Variants in STK24 observed in about 807,000 individuals in gnomAD.
STK24 encodes serine/threonine-protein kinase 24.
Under a neutral mutation model 55.6 loss-of-function variants are expected in STK24, and 21 were observed. The observed-to-expected ratio is 0.38, with a 90% confidence interval of 0.27 to 0.54. STK24 has a LOEUF of 0.54. Among genes scored for constraint, STK24 ranks in the 20% least tolerant of loss-of-function variants. STK24 has a pLI of 0.79. For synonymous variants in STK24, 200 were observed against 215.2 expected (o/e 0.93, Z 0.62); for missense variants, 383 against 538.4 (o/e 0.71, Z 2.86).
At chr13:98,574,527 G>GC (rs1897828337) in intron 1 of STK24, among the ~76,000 whole-genome samples, 2 of 152,048 alleles carry the variant, frequency 1.3e-5, no homozygotes, top group South Asian at 4.1e-4. Context: ...ATGTGCTGTT[G>GC]TTTTTCTTTT....
intron 1 of STK24, among the ~76,000 whole-genome samples, chr13:98,559,001 C>CT (rs1897345595): frequency 1.9e-5 from 1 of 51,284 alleles, no homozygotes; most frequent in Non-Finnish European, 3.5e-5. Flanking sequence ...CCTGTCTCTA[C>CT]TAAAAAAAAA....
At chr13:98,458,322 G>A (rs563904803) in intron 9 of STK24, among the ~76,000 whole-genome samples, 3 of 152,316 alleles carry the variant, frequency 2.0e-5, no homozygotes, top group South Asian at 4.1e-4. Context: ...CTTTGTGATG[G>A]ACACCGCCTC....
chr13:98,490,752 C>T (rs1465565843), intron 2 of STK24, among the ~76,000 whole-genome samples: 6 of 151,616 alleles, frequency 4.0e-5, no homozygotes, highest in Admixed American at 2.6e-4. Flanking sequence ...CCCTTGTGTT[C>T]GCAAACAAAA....
chr13:98,494,270 C>T (rs1222310580), intron 2 of STK24, among the ~76,000 whole-genome samples: 8 of 149,148 alleles, frequency 5.4e-5, no homozygotes, highest in African/African-American at 7.3e-5. Context: ...ATTAGCCGGG[C>T]GTAGTGGCGG....
chr13:98,546,690 C>T (rs971537648), intron 1 of STK24, among the ~76,000 whole-genome samples: 27 of 152,258 alleles, frequency 1.8e-4, no homozygotes, highest in Admixed American at 2.6e-4. Flanking sequence ...GCCCCTATCA[C>T]GGAAAGTCAA....
At chr13:98,575,273 G>A (rs889751161) in intron 1 of STK24, among the ~76,000 whole-genome samples, 21 of 152,078 alleles carry the variant, frequency 1.4e-4, no homozygotes, top group Non-Finnish European at 2.8e-4. Flanking sequence ...CTCCTTAAAT[G>A]AGAGTCGACA....
chr13:98,478,015 G>A (rs1055580044), intron 3 of STK24, among the ~76,000 whole-genome samples: 12 of 152,104 alleles, frequency 7.9e-5, no homozygotes, highest in African/African-American at 2.7e-4. Context: ...AGGAAGGGGA[G>A]AAAAAGAGAT....
Position 98,452,332 on chromosome 13 carries a change from G to A in STK24, c.*841C>T, listed in dbSNP as rs1191142917. On this transcript the variant is annotated 3_prime_UTR_variant, in exon 11 of 11. Transcript: ENST00000539966. ...CAAATGTCAGACGAGAGCGCTTCAT[G>A]GGGAGAAACTGAAAATTATAATTTA... 6.6e-6 allele frequency: 1 copy of A among 152,524 alleles called. No individual in the cohort carries two copies. The highest frequency in any genetic ancestry group is 1.5e-5 in the Non-Finnish European group (1 of 68,012). 9.4% of individuals were successfully genotyped at this position (152,524 alleles called of 1,614,324 possible). A position where few individuals can be genotyped will look rare whatever the true frequency, so the allele number is the denominator to read the frequency against.
intron 2 of STK24, among the ~76,000 whole-genome samples, chr13:98,513,922 C>T (rs1895969393): frequency 6.6e-6 from 1 of 152,178 alleles, no homozygotes; most frequent in Admixed American, 6.5e-5. Flanking sequence ...CCTAAGTATG[C>T]CTGAAGCCAA....
At chr13:98,562,293 G>T (rs781756971) in intron 1 of STK24, among the ~76,000 whole-genome samples, 2 of 152,052 alleles carry the variant, frequency 1.3e-5, no homozygotes, top group Non-Finnish European at 2.9e-5. Flanking sequence ...CTGGGTGAAG[G>T]TTCCCATTTC....
intron 1 of STK24, among the ~76,000 whole-genome samples, chr13:98,549,638 G>A (rs1055208824): frequency 2.0e-5 from 3 of 152,026 alleles, no homozygotes; most frequent in Non-Finnish European, 2.9e-5. Flanking sequence ...CTTCACCTTC[G>A]GCCATGAGTC....
chr13:98,541,116 A>C (rs1423024008), intron 1 of STK24, among the ~76,000 whole-genome samples: 1 of 152,238 alleles, frequency 6.6e-6, no homozygotes, highest in Non-Finnish European at 1.5e-5. Flanking sequence ...TTATAGACTA[A>C]GAGAAGTTGC....
chr13:98,491,634 C>T (rs1190925017), intron 2 of STK24, among the ~76,000 whole-genome samples: 1 of 151,292 alleles, frequency 6.6e-6, no homozygotes, highest in Non-Finnish European at 1.5e-5. Context: ...GCTATACAAT[C>T]CAGCCAAAGA....
At chr13:98,527,307 C>CA (rs1566387274) in intron 1 of STK24, among the ~76,000 whole-genome samples, 1 of 151,700 alleles carries the variant, frequency 6.6e-6, no homozygotes, top group Non-Finnish European at 1.5e-5. Context: ...TCAGCTATAC[C>CA]AAAAAAAAGT....
At position 98,452,173 on chromosome 13, in the gene STK24, AATTT is replaced by A. The variant is rs1457420944; in HGVS notation, c.*996_*999del. ...AGTATGCAAAATAAGCGTGTTATAA[AATTT>A]ATTTGTGTAAGCATTCAGACATTTT... On this transcript the variant is annotated 3_prime_UTR_variant, in exon 11 of 11. Transcript: ENST00000539966. The A allele has an allele frequency of 4.6e-5, 7 of 152,196 alleles. No individual in the cohort carries two copies. Among genetic ancestry groups the A allele is most frequent in the South Asian group, 2.1e-4 (1 of 4,828 alleles). The allele number at this position is 152,196 out of a possible 1,614,324, so 9.4% of individuals were successfully genotyped here.
chr13:98,474,787 G>C (rs371543197), intron 5 of STK24, 34 bp downstream of exon 5: 1 of 1,569,918 alleles, frequency 6.4e-7, no homozygotes, highest in East Asian at 2.3e-5. Context: ...TCCAGGCCTC[G>C]TGAGGCACGG....
At chr13:98,503,566 G>A (rs945012437) in intron 2 of STK24, among the ~76,000 whole-genome samples, 6 of 152,194 alleles carry the variant, frequency 3.9e-5, no homozygotes, top group South Asian at 2.1e-4. Flanking sequence ...ACAGCTTCAC[G>A]TTCCCCTTGG....
intron 1 of STK24, among the ~76,000 whole-genome samples, chr13:98,528,695 G>T (rs1896499746): frequency 6.6e-6 from 1 of 152,170 alleles, no homozygotes; most frequent in South Asian, 2.1e-4. Context: ...AATGAAAAAT[G>T]CATGTGGCAT....
intron 10 of STK24, 55 bp from the exon 11 acceptor site, chr13:98,453,264 AAAAATTCAT>A: frequency 6.4e-7 from 1 of 1,564,972 alleles, no homozygotes; most frequent in Non-Finnish European, 8.7e-7. Context: ...ATCCCTGTGC[AAAAATTCAT>A]ATAGTAACCA....
Sources: allele counts gnomAD v4.1 joint callset (sites outside exome capture counted in the v4.1 genomes callset), GRCh38; gene constraint gnomAD v4.1.1; transcripts MANE v1.5; gene names NCBI Gene and HGNC (gene_info 2026-07-23, HGNC 2026-07-21).